The following PLEKHD1 variants were observed in gnomAD, a reference collection of about 807,000 sequenced individuals.
PLEKHD1 encodes the protein pleckstrin homology domain-containing family D member 1.
A neutral mutation model predicts 69.2 loss-of-function variants in PLEKHD1; 51 were observed. The observed-to-expected ratio is 0.74, with a 90% confidence interval of 0.59 to 0.93. The LOEUF (loss-of-function observed/expected upper bound fraction) is 0.93. Among genes scored for constraint, PLEKHD1 ranks in the 40% least tolerant of loss-of-function variants. The probability of loss-of-function intolerance (pLI) is 0.00; values close to 1 mark genes in which losing one functional copy is unlikely to be tolerated. For synonymous variants in PLEKHD1, 236 were observed against 244.7 expected (o/e 0.96, Z 0.33); for missense variants, 584 against 641.0 (o/e 0.91, Z 0.96).
intron 5 of PLEKHD1, chr14:69,502,289 ACCCTTG>A (rs1184401544): frequency 2.1e-5 from 4 of 187,908 alleles, no homozygotes; most frequent in Non-Finnish European, 4.5e-5. Context: ...TGTCCCCAGT[ACCCTTG>A]CCCCAGGCCA....
At chr14:69,481,806 G>C (rs1480226144), upstream of PLEKHD1, among the ~76,000 whole-genome samples, 1 of 152,156 alleles carries the variant, frequency 6.6e-6, no homozygotes. Context: ...AGGGCACTTA[G>C]GGATCCTGAG....
intron 12 of PLEKHD1, 127 bp from the exon 13 acceptor site, chr14:69,528,123 G>A: frequency 2.1e-6 from 3 of 1,411,510 alleles, no homozygotes; most frequent in Non-Finnish European, 2.9e-6. Context: ...GCCCGTGTGT[G>A]TGGGAAGGGG....
At chr14:69,484,239 A>T (rs978007342), upstream of PLEKHD1, among the ~76,000 whole-genome samples, 2 of 152,196 alleles carry the variant, frequency 1.3e-5, no homozygotes, top group Non-Finnish European at 2.9e-5. Flanking sequence ...GGCATCAGGC[A>T]TCGCCACTTC....
rs1205253254 is a variant in PLEKHD1, at chr14:69,526,122, G to A, written c.923G>A (p.Arg308Gln). The A allele has an allele frequency of 4.5e-6, 7 of 1,548,722 alleles. No individual in the cohort carries two copies. Among genetic ancestry groups the A allele is most frequent in the African/African-American group, 2.7e-5 (2 of 72,882 alleles). The stretch of plus-strand genomic sequence containing the variant: ...GAGGAGAAGCTCCTGGCAGAGAAGC[G>A]GTGAGGGAGCCCCGACCCCTGAAGA... ...LLEEKLLAEK[R>Q]MKENEERSRA... is the part of the protein sequence containing the mutation. The change falls in exon 9 of 13, where the codon CGG (arginine) becomes CAG (glutamine). Residue 308 changes from arginine (R) to glutamine (Q), a missense_variant and splice_region_variant. Transcript: ENST00000322564.
At chr14:69,469,319 A>G in the PLEKHD1 span, among the ~76,000 whole-genome samples, 1 of 152,216 alleles carries the variant, frequency 6.6e-6, no homozygotes, top group Non-Finnish European at 1.5e-5. Context: ...CTGACTATGA[A>G]TAAGGTCAGG....
At chr14:69,492,135 C>T (rs960728209) in intron 1 of PLEKHD1, among the ~76,000 whole-genome samples, 1 of 152,166 alleles carries the variant, frequency 6.6e-6, no homozygotes, top group Non-Finnish European at 1.5e-5. Flanking sequence ...CACTCCTTAC[C>T]GCACCTCCCC....
intron 1 of PLEKHD1, among the ~76,000 whole-genome samples, chr14:69,494,285 T>C (rs759155871): frequency 2.0e-5 from 3 of 152,166 alleles, no homozygotes; most frequent in Admixed American, 6.5e-5. Flanking sequence ...CTTAGGTAAC[T>C]TGCCCCAGTC....
At chr14:69,498,112 T>C (rs1477175645) in intron 1 of PLEKHD1, among the ~76,000 whole-genome samples, 5 of 149,198 alleles carry the variant, frequency 3.4e-5, no homozygotes, top group Middle Eastern at 3.4e-3. Flanking sequence ...TTTTAGAGAG[T>C]CTTGCTCTGT....
At chr14:69,497,865 T>C (rs1360609618) in intron 1 of PLEKHD1, among the ~76,000 whole-genome samples, 1 of 152,062 alleles carries the variant, frequency 6.6e-6, no homozygotes, top group Non-Finnish European at 1.5e-5. Context: ...GTGTTTGTTA[T>C]GTGGCCGGTC....
chr14:69,482,766 T>G (rs1882564734), upstream of PLEKHD1, among the ~76,000 whole-genome samples: 1 of 152,094 alleles, frequency 6.6e-6, no homozygotes, highest in African/African-American at 2.4e-5. Flanking sequence ...ACACAAGTTT[T>G]CTAGCTTTCA....
the PLEKHD1 span, among the ~76,000 whole-genome samples, chr14:69,473,883 A>C: frequency 6.6e-6 from 1 of 152,194 alleles, no homozygotes; most frequent in Non-Finnish European, 1.5e-5. Context: ...CTGTCTCACC[A>C]AAGCTTCCAC....
chr14:69,504,480 A>C (rs2139510096), intron 6 of PLEKHD1, among the ~76,000 whole-genome samples: 1 of 137,352 alleles, frequency 7.3e-6, no homozygotes, highest in Middle Eastern at 3.6e-3. Context: ...TCCCCTTTGC[A>C]CCCCAAATAT....
chr14:69,481,907 GTTCTGTC>G (rs1178449413), upstream of PLEKHD1, among the ~76,000 whole-genome samples: 1 of 152,144 alleles, frequency 6.6e-6, no homozygotes, highest in Non-Finnish European at 1.5e-5. Context: ...CACCTGGCTT[GTTCTGTC>G]TTCTGTAGAA....
chr14:69,506,946 A>T (rs1883165561), intron 6 of PLEKHD1, among the ~76,000 whole-genome samples: 1 of 121,248 alleles, frequency 8.2e-6, no homozygotes. Flanking sequence ...CCTGTTGCCC[A>T]TGCTGGAGTG....
the PLEKHD1 span, among the ~76,000 whole-genome samples, chr14:69,468,943 A>G: frequency 1.3e-5 from 2 of 152,196 alleles, no homozygotes; most frequent in Admixed American, 1.3e-4. Context: ...GTTAAATGGA[A>G]TTTTTCAACT....
chr14:69,496,096 T>A (rs1008509811), intron 1 of PLEKHD1, among the ~76,000 whole-genome samples: 1 of 152,164 alleles, frequency 6.6e-6, no homozygotes, highest in African/African-American at 2.4e-5. Context: ...TGTACCCGCA[T>A]TTTATAGAGG....
chr14:69,496,344 A>G (rs1263935734), intron 1 of PLEKHD1, among the ~76,000 whole-genome samples: 2 of 152,214 alleles, frequency 1.3e-5, no homozygotes, highest in Admixed American at 6.5e-5. Flanking sequence ...ACAAAATGCC[A>G]TAGACTGGGT....
rs1020533886 is a variant in PLEKHD1 at position 69,530,142 on chromosome 14, G to A, written c.*1723G>A. 6.6e-6 allele frequency: 1 copy of A among 152,264 alleles called. No homozygotes were observed. The highest frequency in any genetic ancestry group is 1.5e-5 in the Non-Finnish European group (1 of 68,046). 9.4% of individuals were successfully genotyped at this position (152,264 alleles called of 1,614,324 possible). A position where few individuals can be genotyped will look rare whatever the true frequency, so the allele number is the denominator to read the frequency against. On this transcript the variant is annotated 3_prime_UTR_variant, in exon 13 of 13. Transcript: ENST00000322564. ...AACCTGGGAGCCCACAACCTATTCT[G>A]TGGGAAGAGGAGCATTGTTGCCTCT... is the stretch of plus-strand genomic sequence containing the variant.
At chr14:69,511,106 G>A (rs1371667906) in intron 6 of PLEKHD1, among the ~76,000 whole-genome samples, 2 of 152,130 alleles carry the variant, frequency 1.3e-5, no homozygotes, top group South Asian at 2.1e-4. Flanking sequence ...ACTTAGTTGT[G>A]ATGTATTATT....
Sources: gnomAD v4.1 joint callset for allele counts (sites outside exome capture counted in the v4.1 genomes callset) on GRCh38, gnomAD v4.1.1 for gene constraint, MANE v1.5 for transcripts, NCBI Gene and HGNC (gene_info 2026-07-23, HGNC 2026-07-21) for gene names.